PCLO: variants seen among roughly 807,000 people sequenced by gnomAD.
The protein encoded by PCLO is protein piccolo.
A neutral mutation model predicts 427.5 loss-of-function variants in PCLO; 82 were observed. The ratio of observed to expected loss-of-function variants is 0.19; its 90% CI spans 0.16 to 0.23. The LOEUF is 0.23. PCLO is among the 10% of genes least tolerant of loss of function. PCLO has a pLI of 1.00. For synonymous variants in PCLO, 2,357 were observed against 2,155.4 expected (o/e 1.09, Z -2.59); for missense variants, 6,239 against 6,115.9 (o/e 1.02, Z -0.67).
rs760178566 is a variant in PCLO at position 83,134,781 on chromosome 7, A to G, written c.2769T>C (p.Pro923=). Residue 923 remains proline, a synonymous_variant, in exon 3 of 25, where the codon CCT becomes CCC. Transcript: ENST00000333891. ...AGAGTTTCCCAGTCACGGTCTCTTG[A>G]GGAGTTGTAGGCTGTGATTTGGGGG... ...TDAPKSQPTT[P]QETVTGKLFG... The G allele has an allele frequency of 1.2e-6, 2 of 1,613,866 alleles. No individual in the cohort carries two copies. Among genetic ancestry groups the G allele is most frequent in the Non-Finnish European group, 1.7e-6 (2 of 1,179,862 alleles).
intron 2 of PCLO, among the ~76,000 whole-genome samples, chr7:83,137,164 T>C (rs989571304): frequency 5.3e-5 from 8 of 152,234 alleles, no homozygotes; most frequent in African/African-American, 1.9e-4. Context: ...GTACATTTTC[T>C]ATTTTCAAAC....
At chr7:82,917,039 C>T (rs1035377809) in intron 6 of PCLO, among the ~76,000 whole-genome samples, 166 bp from the exon 7 acceptor site, 2 of 152,030 alleles carry the variant, frequency 1.3e-5, no homozygotes, top group African/African-American at 2.4e-5. Flanking sequence ...GTCACAAATA[C>T]AATTAACTGA....
chr7:82,756,912 T>C lies in PCLO; in HGVS notation c.*1663A>G, dbSNP rs1790330343. 6.6e-6 allele frequency: 1 copy of C among 152,116 alleles called. No homozygotes were observed. The highest frequency in any genetic ancestry group is 2.4e-5 in the African/African-American group (1 of 41,440). 9.4% of individuals were successfully genotyped at this position (152,116 alleles called of 1,614,324 possible). A position where few individuals can be genotyped will look rare whatever the true frequency, so the allele number is the denominator to read the frequency against. On this transcript the variant is annotated 3_prime_UTR_variant, in exon 25 of 25. Coordinates refer to ENST00000333891, the MANE Select transcript of PCLO (RefSeq NM_033026.6). ...TTTTGTGGCTAATTTACTGCTTTTA[T>C]CCATGTCAATCCTTGCCATTGGTTT...
chr7:82,997,104 G>A (rs138019851), intron 3 of PCLO, among the ~76,000 whole-genome samples: 1 of 151,940 alleles, frequency 6.6e-6, no homozygotes, highest in East Asian at 1.9e-4. Context: ...AAACACGTTT[G>A]GGTCATCACT....
chr7:82,878,981 AT>A (rs1562832955), intron 10 of PCLO, among the ~76,000 whole-genome samples: 1 of 151,938 alleles, frequency 6.6e-6, no homozygotes, highest in Admixed American at 6.6e-5. Context: ...GGATCATTTG[AT>A]TTTTTTTGTA....
chr7:82,922,503 C>G (rs1794620491), intron 6 of PCLO, among the ~76,000 whole-genome samples: 1 of 151,890 alleles, frequency 6.6e-6, no homozygotes, highest in South Asian at 2.1e-4. Flanking sequence ...AACCAAATAC[C>G]ACATGTTGTC....
intron 3 of PCLO, among the ~76,000 whole-genome samples, chr7:83,091,156 C>T (rs1043266474): frequency 7.9e-5 from 12 of 152,080 alleles, no homozygotes; most frequent in Non-Finnish European, 1.6e-4. Flanking sequence ...TGTGTGCATA[C>T]ATGTAGTCCT....
chr7:83,033,488 T>A (rs1238502732), intron 3 of PCLO, among the ~76,000 whole-genome samples: 1 of 152,136 alleles, frequency 6.6e-6, no homozygotes, highest in Non-Finnish European at 1.5e-5. Context: ...CATATATACC[T>A]GCCTTTTCTT....
chr7:82,862,768 C>T (rs1267755721), intron 10 of PCLO, among the ~76,000 whole-genome samples: 1 of 151,784 alleles, frequency 6.6e-6, no homozygotes, highest in Non-Finnish European at 1.5e-5. Context: ...ACAAACATCG[C>T]ATGTTCTCGA....
At chr7:83,145,201 G>C (rs980541292) in intron 2 of PCLO, among the ~76,000 whole-genome samples, 2 of 152,096 alleles carry the variant, frequency 1.3e-5, no homozygotes, top group African/African-American at 2.4e-5. Context: ...TCTCAATTTT[G>C]AACAGAGTGG....
At position 82,838,275 on chromosome 7, in the gene PCLO, C is replaced by T. The variant is rs948339234; in HGVS notation, c.14165G>A (p.Arg4722Gln). The change falls in exon 15 of 25, where the codon CGA becomes CAA. Residue 4722 changes from arginine to glutamine, a missense_variant. Arg to Gln is a conservative substitution (Grantham distance 43). Transcript: ENST00000333891. ...AGGGTCAGAATAACCATTGTTGTCTCGAGGAACAAGATTTCTTGCTTGGAG... is the reference window on the plus strand; with the variant it reads ...AGGGTCAGAATAACCATTGTTGTCTTGAGGAACAAGATTTCTTGCTTGGAG... ...HILQARNLVP[R>Q]DNNGYSDPFV... 8 of 1,584,806 alleles carry T rather than the reference C, an allele frequency of 5.0e-6. No homozygotes were observed. The highest frequency in any genetic ancestry group is 1.7e-4 in the Middle Eastern group (1 of 6,010).
In PCLO at chr7:82,914,997, T is replaced by C. The variant is rs765597179; in HGVS notation, c.12989A>G (p.His4330Arg). 1.2e-5 allele frequency: 20 copies of C among 1,613,696 alleles called. No individual in the cohort carries two copies. The South Asian group carries it at 1.8e-4, about 14-fold the overall frequency. Reference protein sequence around the residue: ...EAEALDVSFSHASSSARTKPT... With the variant: ...EAEALDVSFSRASSSARTKPT... Reference sequence around the variant, plus strand: ...CTTAGTTCTGGCAGAGGATGATGCATGACTAAAGGAAACATCTAGAGCTTC... The same window carrying C: ...CTTAGTTCTGGCAGAGGATGATGCACGACTAAAGGAAACATCTAGAGCTTC... Residue 4330 changes from histidine to arginine, a missense_variant, in exon 7 of 25, where the codon CAT becomes CGT. Around this residue, in one of 5 missense-constraint regions of PCLO, gnomAD observed 680 missense variants for 677.3 expected, o/e 1.00. Transcript: ENST00000333891.
chr7:82,938,775 T>C (rs973612851), intron 6 of PCLO, among the ~76,000 whole-genome samples: 9 of 152,034 alleles, frequency 5.9e-5, no homozygotes, highest in African/African-American at 1.9e-4. Flanking sequence ...CTAAACGTTA[T>C]GTATGGCTAC....
chr7:82,992,313 G>A (rs1373643763), intron 3 of PCLO, among the ~76,000 whole-genome samples: 1 of 152,036 alleles, frequency 6.6e-6, no homozygotes, highest in African/African-American at 2.4e-5. Context: ...GGGGAAAGAA[G>A]ACAAATGAGT....
At chr7:82,935,047 T>G (rs1010025868) in intron 6 of PCLO, among the ~76,000 whole-genome samples, 3 of 151,054 alleles carry the variant, frequency 2.0e-5, no homozygotes, top group Non-Finnish European at 4.4e-5. Context: ...TTTTTTCATA[T>G]AAGGGTTCAA....
intron 2 of PCLO, among the ~76,000 whole-genome samples, chr7:83,146,690 G>A (rs113493791): frequency 2.0e-5 from 3 of 151,522 alleles, no homozygotes; most frequent in Middle Eastern, 3.4e-3. Flanking sequence ...TCTGCCTCTC[G>A]GGTTCAAGTG....
intron 4 of PCLO, among the ~76,000 whole-genome samples, chr7:82,962,187 A>T (rs967577158): frequency 6.6e-6 from 1 of 152,292 alleles, no homozygotes; most frequent in Non-Finnish European, 1.5e-5. Context: ...AGCCAGTGGT[A>T]TTATGACACT....
intron 3 of PCLO, among the ~76,000 whole-genome samples, chr7:82,981,943 T>C (rs1796155222): frequency 6.6e-6 from 1 of 152,134 alleles, no homozygotes; most frequent in Non-Finnish European, 1.5e-5. Context: ...TGTGGCTTAA[T>C]ACTTATACCT....
intron 3 of PCLO, among the ~76,000 whole-genome samples, chr7:82,990,239 A>G (rs1202068653): frequency 6.6e-6 from 1 of 152,164 alleles, no homozygotes; most frequent in Admixed American, 6.6e-5. Flanking sequence ...CAAGAATGAC[A>G]TCAAAGCAAC....
Sources: allele counts gnomAD v4.1 joint callset (sites outside exome capture counted in the v4.1 genomes callset), GRCh38; gene constraint gnomAD v4.1.1; regional missense constraint gnomAD v4.1.1; transcripts MANE v1.5; gene names NCBI Gene and HGNC (gene_info 2026-07-23, HGNC 2026-07-21).